The following ZNF678 variants were observed in gnomAD, a reference collection of about 807,000 sequenced individuals.
The protein encoded by ZNF678 is hypothetical protein MGC42493.
In ZNF678, 5 loss-of-function variants were observed where a neutral mutation model predicts 3.0. The observed-to-expected ratio is 1.69, with a 90% CI of 0.88 to 3.56. ZNF678 has a LOEUF of 3.56. Ranked by LOEUF, ZNF678 falls within the 30% of genes most tolerant of loss-of-function variation. The pLI, the probability that ZNF678 is intolerant of heterozygous loss-of-function variation, is 0.00. For synonymous variants in ZNF678, 218 were observed against 199.6 expected, an observed-to-expected ratio of 1.09 and a Z score of -0.78; for missense variants, 593 against 605.0, an observed-to-expected ratio of 0.98 and a Z score of 0.21.
At chr1:227,637,027 A>T (rs1435084042) in intron 1 of ZNF678, among the ~76,000 whole-genome samples, 1 of 152,112 alleles carries the variant, frequency 6.6e-6, no homozygotes, top group African/African-American at 2.4e-5. Flanking sequence ...GAAGTAGTGG[A>T]TTGGCTTTAA....
At chr1:227,590,704 G>T (rs1408022473) in intron 1 of ZNF678, among the ~76,000 whole-genome samples, 1 of 151,846 alleles carries the variant, frequency 6.6e-6, no homozygotes, top group African/African-American at 2.4e-5. Context: ...CCTGTCCACT[G>T]ATCAGGCAGC....
chr1:227,654,538 C>T lies in ZNF678; in HGVS notation c.288C>T (p.Ile96=). Residue 96 remains isoleucine, a synonymous_variant, in exon 4 of 4, where the codon ATC becomes ATT. Coordinates refer to ENST00000343776, the MANE Select transcript of ZNF678 (RefSeq NM_001367909.1). ...AATGTTCATCAACTAAAAGCAAAAT[C>T]TTTCAATGTATTGAATGTGGCAGAA... is the stretch of plus-strand genomic sequence containing the variant. ...LTQCSSTKSK[I]FQCIECGRNF... 6.2e-7 allele frequency: 1 copy of T among 1,613,338 alleles called. No individual in the cohort carries two copies. The highest frequency in any genetic ancestry group is 8.5e-7 in the Non-Finnish European group (1 of 1,179,558).
At chr1:227,644,312 C>T (rs530396015) in intron 1 of ZNF678, among the ~76,000 whole-genome samples, 2 of 152,266 alleles carry the variant, frequency 1.3e-5, no homozygotes, top group South Asian at 4.2e-4. Flanking sequence ...TGTGAGGTTC[C>T]CTGTGTAATG....
chr1:227,573,499 A>G (rs1341478217), intron 1 of ZNF678, among the ~76,000 whole-genome samples: 1 of 152,236 alleles, frequency 6.6e-6, no homozygotes, highest in African/African-American at 2.4e-5. Context: ...AAAATTAAAC[A>G]GTTTCTCTTA....
chr1:227,675,236 C>A (rs1659661154), intron 5 of ZNF678, among the ~76,000 whole-genome samples: 1 of 152,160 alleles, frequency 6.6e-6, no homozygotes, highest in Non-Finnish European at 1.5e-5. Flanking sequence ...TCACTCCCCT[C>A]CACTCCTGCC....
rs1420217251 is a variant in ZNF678, at chr1:227,638,813, G to C, written c.-163-7731G>C. ...GTGTAGGGAGCAGAAGAGTGGAGCA[G>C]GGGCTTGGGGTTTGGAGAGTTGTCC... On this transcript the variant is annotated intron_variant, in intron 1 of 3. Coordinates refer to ENST00000343776, the MANE Select transcript of ZNF678 (RefSeq NM_001367909.1). The surrounding 1 kb of genome is among the most constrained non-coding windows in gnomAD (Gnocchi z 4.2). Among the ~76,000 whole-genome samples the C allele has an allele frequency of 6.6e-6, 1 of 152,116 alleles. No individual in the cohort carries two copies. The highest frequency in any genetic ancestry group is 1.5e-5 in the Non-Finnish European group (1 of 68,020).
downstream of ZNF678, among the ~76,000 whole-genome samples, chr1:227,679,346 G>T (rs1163975459): frequency 6.6e-6 from 1 of 152,120 alleles, no homozygotes; most frequent in African/African-American, 2.4e-5. Flanking sequence ...AAATCCACAG[G>T]CAGACAGCCC....
At chr1:227,599,252 C>T (rs1657672946) in intron 1 of ZNF678, among the ~76,000 whole-genome samples, 1 of 152,096 alleles carries the variant, frequency 6.6e-6, no homozygotes, top group Non-Finnish European at 1.5e-5. Flanking sequence ...CATTCTAATT[C>T]CGTTGGTATC....
At position 227,638,416 on chromosome 1, in the gene ZNF678, G is replaced by A. The variant is rs1410949243; in HGVS notation, c.-163-8128G>A. The stretch of plus-strand genomic sequence containing the variant: ...AAAGGGGATTTTGTTGGGCAGAGTA[G>A]GTGACTAGCAAGGAGGTGAGAAACG... On this transcript the variant is annotated intron_variant, in intron 1 of 3. Transcript: ENST00000343776. This position sits in a 1 kb window ranked among gnomAD's most constrained non-coding sequence, Gnocchi z 4.2. Among the ~76,000 whole-genome samples the A allele has an allele frequency of 6.6e-6, 1 of 152,138 alleles. No homozygotes were observed. The highest frequency in any genetic ancestry group is 1.5e-5 in the Non-Finnish European group (1 of 68,034).
chr1:227,654,414 G>A lies in ZNF678; in HGVS notation c.164G>A (p.Arg55Lys), dbSNP rs1288568795. 7 of 1,611,998 alleles carry A rather than the reference G, an allele frequency of 4.3e-6. No individual in the cohort carries two copies. In the African/African-American group the frequency reaches 8.0e-5, roughly 18 times the overall value. The change falls in exon 4 of 4, where the codon AGA becomes AAA. Residue 55 changes from arginine to lysine, a missense_variant. Physicochemically the swap from Arg to Lys is conservative, Grantham distance 26 (BLOSUM62 2). Transcript: ENST00000343776. Reference protein sequence around the residue: ...KDLCQKVTLTRHRSWGLDNLH... With the variant: ...KDLCQKVTLTKHRSWGLDNLH... ...TTATGCCAAAAAGTGACACTGACAA[G>A]ACATAGAAGCTGGGGCCTTGACAAT... is the stretch of plus-strand genomic sequence containing the variant.
In ZNF678 at chr1:227,650,939, C is replaced by G. The variant is rs1156595270; in HGVS notation, c.-36-17C>G. 6.6e-7 allele frequency: 1 copy of G among 1,514,472 alleles called. No individual in the cohort carries two copies. 93.8% of individuals were successfully genotyped at this position (1,514,472 alleles called of 1,614,324 possible). On this transcript the variant is annotated splice_polypyrimidine_tract_variant and intron_variant, in intron 2 of 3. Transcript: ENST00000343776. ...TATGGCTTTTAAAAAATTTTCTTGCCTAATTGTTCTGTCTAGGACTTCCAG... is the reference window on the plus strand; with the variant it reads ...TATGGCTTTTAAAAAATTTTCTTGCGTAATTGTTCTGTCTAGGACTTCCAG...
At chr1:227,679,472 G>A (rs1659732241), downstream of ZNF678, among the ~76,000 whole-genome samples, 1 of 152,046 alleles carries the variant, frequency 6.6e-6, no homozygotes, top group African/African-American at 2.4e-5. Context: ...GTCCTGTTCT[G>A]TTTCATTCTG....
chr1:227,671,091 T>TTTTTTTA (rs1659593688), intron 5 of ZNF678, among the ~76,000 whole-genome samples: 1 of 108,688 alleles, frequency 9.2e-6, no homozygotes. Flanking sequence ...TTTTTTTTTT[T>TTTTTTTA]CTTAAGACAG....
intron 1 of ZNF678, among the ~76,000 whole-genome samples, chr1:227,632,088 G>A (rs1237997775): frequency 6.6e-6 from 1 of 152,198 alleles, no homozygotes; most frequent in Non-Finnish European, 1.5e-5. Flanking sequence ...AATCTTCCTA[G>A]CCATTTACAA....
At position 227,563,716 on chromosome 1, in the gene ZNF678, C is replaced by T. The variant is rs1368328960; in HGVS notation, c.-172C>T. 3.8e-6 allele frequency: 5 copies of T among 1,330,042 alleles called. No homozygotes were observed. The highest frequency in any genetic ancestry group is 1.2e-5 in the South Asian group (1 of 83,204). The allele number at this position is 1,330,042 out of a possible 1,614,324, so 82.4% of individuals were successfully genotyped here. A position where few individuals can be genotyped will look rare whatever the true frequency, so the allele number is the denominator to read the frequency against. On this transcript the variant is annotated 5_prime_UTR_variant, in exon 1 of 4. Transcript: ENST00000343776. ...TAAGATGCCAGGACACCCCGAAAGC[C>T]GGAAAACGGTGAGAGTTCCCGGGAG... is the stretch of plus-strand genomic sequence containing the variant.
intron 1 of ZNF678, among the ~76,000 whole-genome samples, chr1:227,634,005 G>T (rs1386658247): frequency 6.6e-6 from 1 of 152,082 alleles, no homozygotes; most frequent in Non-Finnish European, 1.5e-5. Context: ...GAGCGGGGAG[G>T]ACTGTGTCTT....
intron 1 of ZNF678, among the ~76,000 whole-genome samples, chr1:227,613,778 C>G (rs1658079881): frequency 6.6e-6 from 1 of 152,178 alleles, no homozygotes; most frequent in Non-Finnish European, 1.5e-5. Context: ...GGGAGCCTTC[C>G]TGTTGGAGTC....
intron 1 of ZNF678, among the ~76,000 whole-genome samples, chr1:227,615,373 T>C (rs1658118496): frequency 6.6e-6 from 1 of 152,194 alleles, no homozygotes; most frequent in Non-Finnish European, 1.5e-5. Flanking sequence ...ACTTGGTACC[T>C]CAGTTGTATT....
chr1:227,675,731 G>C lies in ZNF678; in HGVS notation c.227-1448G>C, dbSNP rs117654232. 2.0e-3 allele frequency among the ~76,000 whole-genome samples: 301 copies of C among 151,946 alleles called. 3 individuals are homozygous for C. The highest frequency in any genetic ancestry group is 6.9e-3 in the African/African-American group (285 of 41,416). Reference sequence around the variant, plus strand: ...CCATATCCTGGGGGGGTGGGGAAAGGCCCCATAAAAAACACCTATTATGCT... The same window carrying C: ...CCATATCCTGGGGGGGTGGGGAAAGCCCCCATAAAAAACACCTATTATGCT... On this transcript the variant is annotated intron_variant, in intron 5 of 5. Transcript: ENST00000608949.
Sources: gnomAD v4.1 joint callset for allele counts (sites outside exome capture counted in the v4.1 genomes callset) on GRCh38, gnomAD v4.1.1 for gene constraint, Gnocchi (gnomAD v3.1) non-coding constraint, MANE v1.5 for transcripts, NCBI Gene and HGNC (gene_info 2026-07-23, HGNC 2026-07-21) for gene names.